SCRIB: variants seen among roughly 807,000 people sequenced by gnomAD.
The protein encoded by SCRIB is scribble planar cell polarity protein, also known as protein scribble homolog.
Under a neutral mutation model 170.0 loss-of-function variants are expected in SCRIB, and 72 were observed. The observed-to-expected ratio is 0.42, with a 90% CI of 0.35 to 0.52. The LOEUF (loss-of-function observed/expected upper bound fraction) is 0.52. Among genes scored for constraint, SCRIB ranks in the 20% least tolerant of loss-of-function variants. SCRIB has a pLI of 0.02. For missense variants in SCRIB, 2,475 were observed against 2,338.5 expected (o/e 1.06, Z -1.20); for synonymous variants, 1,298 against 1,044.3 (o/e 1.24, Z -4.68).
rs1351738159 is a variant in SCRIB at position 143,813,463 on chromosome 8, C to T, written c.503+7G>A. The T allele has an allele frequency of 1.2e-6, 2 of 1,613,260 alleles. No homozygotes were observed. The highest frequency in any genetic ancestry group is 2.2e-5 in the South Asian group (2 of 91,086). On this transcript the variant is annotated splice_region_variant and intron_variant, in intron 5 of 36. Coordinates refer to ENST00000356994, the MANE Select transcript of SCRIB (RefSeq NM_182706.5). ...CTGGCTGTTAGGAGAATGCCTGTCACACTCACGCTGGCAGGGACTTGAGCA... is the reference window on the plus strand; with the variant it reads ...CTGGCTGTTAGGAGAATGCCTGTCATACTCACGCTGGCAGGGACTTGAGCA...
chr8:143,811,499 A>C (rs549357161), intron 9 of SCRIB, among the ~76,000 whole-genome samples, 154 bp from the exon 10 acceptor site: 2 of 152,128 alleles, frequency 1.3e-5, no homozygotes, highest in East Asian at 3.9e-4. Context: ...TGACCACAGA[A>C]GCTGTCTCCA....
rs1336313273 is a variant in SCRIB at position 143,810,277 on chromosome 8, G to A, written c.1530+202C>T. Among the ~76,000 whole-genome samples the A allele has an allele frequency of 3.3e-5, 5 of 151,856 alleles. No individual in the cohort carries two copies. In the East Asian group the frequency reaches 7.7e-4, roughly 24 times the overall value. On this transcript the variant is annotated intron_variant, in intron 13 of 36. Coordinates refer to ENST00000356994, the MANE Select transcript of SCRIB (RefSeq NM_182706.5). ...CCCCATACTCCAGCCCCACAGACCCGCCCTGCACGACCCACACGTCCACCC... is the reference window on the plus strand; with the variant it reads ...CCCCATACTCCAGCCCCACAGACCCACCCTGCACGACCCACACGTCCACCC...
chr8:143,812,881 C>A lies in SCRIB; in HGVS notation c.723G>T (p.Gly241=), dbSNP rs1815809645. The A allele has an allele frequency of 6.2e-7, 1 of 1,609,266 alleles. No homozygotes were observed. The highest frequency in any genetic ancestry group is 2.2e-5 in the East Asian group (1 of 44,872). Residue 241 remains glycine, a synonymous_variant, in exon 8 of 37, where the codon GGG becomes GGT. Transcript: ENST00000356994. ...GCAGCAGGTCAGTGAGCAGCACCAGCCCGCCGAGCTCAGCAGGCAGCTCCT... is the reference window on the plus strand; with the variant it reads ...GCAGCAGGTCAGTGAGCAGCACCAGACCGCCGAGCTCAGCAGGCAGCTCCT... ...RLEELPAELG[G]LVLLTDLLLS...
At chr8:143,793,800 C>A (rs960854006) in intron 28 of SCRIB, 100 bp downstream of exon 28, 1 of 1,231,714 alleles carries the variant, frequency 8.1e-7, no homozygotes, top group South Asian at 1.3e-5. Context: ...CCACGATGGC[C>A]CCTGACCCCC....
At chr8:143,814,540 A>G (rs935731660) in intron 1 of SCRIB, among the ~76,000 whole-genome samples, 2 of 151,884 alleles carry the variant, frequency 1.3e-5, no homozygotes, top group Non-Finnish European at 2.9e-5. Context: ...CCACAATAAC[A>G]CAGTACCACA....
chr8:143,792,763 AG>A lies in SCRIB; in HGVS notation c.4121del (p.Pro1374LeufsTer133). The A allele has an allele frequency of 1.9e-6, 3 of 1,587,920 alleles. No homozygotes were observed. The highest frequency in any genetic ancestry group is 1.7e-5 in the Admixed American group (1 of 57,514). On this transcript the variant is annotated frameshift_variant, in exon 30 of 37. Transcript: ENST00000356994. LOFTEE classifies it high-confidence loss of function. The part of the protein sequence containing the change: ...EVRVPQAEGP[P>X]KRVSLVGADD... ...CAGCACCCACCAGGGACACGCGCTT[AG>A]GGGGGCCCTCGGCCTGGGGCACGCG...
rs780650651 is a variant in SCRIB, at chr8:143,811,350, C to G, written c.907-5G>C. ...TCCCAGGGAGCGGGGCAGGGCCTGGCCAAGAAGAGGAGGTCAGAGGACGCT... is the reference window on the plus strand; with the variant it reads ...TCCCAGGGAGCGGGGCAGGGCCTGGGCAAGAAGAGGAGGTCAGAGGACGCT... On this transcript the variant is annotated splice_polypyrimidine_tract_variant and splice_region_variant and intron_variant, in intron 9 of 36. Transcript: ENST00000356994. 1 of 1,610,264 alleles carries G rather than the reference C, an allele frequency of 6.2e-7. No homozygotes were observed. The highest frequency in any genetic ancestry group is 1.7e-5 in the Admixed American group (1 of 59,890).
At chr8:143,813,581 G>GCAGGGC in intron 4 of SCRIB, 55 bp from the exon 5 acceptor site, 1 of 1,612,078 alleles carries the variant, frequency 6.2e-7, no homozygotes, top group Non-Finnish European at 8.5e-7. Context: ...GGCAGCAGGG[G>GCAGGGC]CAGGGCCAAT....
intron 24 of SCRIB, 53 bp downstream of exon 24, chr8:143,803,330 A>C: frequency 8.2e-6 from 12 of 1,471,318 alleles, no homozygotes; most frequent in African/African-American, 1.4e-5. Context: ...GCGGCTCACA[A>C]CACCTTGGGC....
chr8:143,814,272 G>A (rs776131077), intron 1 of SCRIB, among the ~76,000 whole-genome samples, 154 bp from the exon 2 acceptor site: 1 of 151,990 alleles, frequency 6.6e-6, no homozygotes, highest in African/African-American at 2.4e-5. Flanking sequence ...CACCCCATTT[G>A]CAAAAAAAGG....
chr8:143,813,513 C>T lies in SCRIB; in HGVS notation c.460G>A (p.Val154Met). ...PGDVGNLANL[V>M]TLELRENLLK... Reference sequence around the variant, plus strand: ...AGGTTCTCCCGGAGCTCCAGGGTCACCAGGTTGGCGAGGCTGAAAGAGAGA... The same window carrying T: ...AGGTTCTCCCGGAGCTCCAGGGTCATCAGGTTGGCGAGGCTGAAAGAGAGA... Residue 154 changes from valine to methionine, a missense_variant, in exon 5 of 37, where the codon GTG becomes ATG. Physicochemically the swap from Val to Met is conservative, Grantham distance 21 (BLOSUM62 1). Around this residue, in one of 3 missense-constraint regions of SCRIB, gnomAD observed 487 missense variants for 558.1 expected, o/e 0.87. Transcript: ENST00000356994. The T allele has an allele frequency of 1.2e-6, 2 of 1,613,224 alleles. No homozygotes were observed. The highest frequency in any genetic ancestry group is 1.7e-6 in the Non-Finnish European group (2 of 1,179,990).
rs766358449 is a variant in SCRIB, at chr8:143,811,274, C to T, written c.978G>A (p.Ala326=). ...NLNVDRNHLE[A]LPPEIGGCVA... is the part of the protein sequence containing the mutation. ...CACAGCCCCCGATCTCGGGCGGCAG[C>T]GCCTCGAGGTGGTTCCGGTCCACGT... The change falls in exon 10 of 37, where the codon GCG becomes GCA. Residue 326 remains alanine (A), a synonymous_variant. Coordinates refer to ENST00000356994, the MANE Select transcript of SCRIB (RefSeq NM_182706.5). 2.2e-5 allele frequency: 36 copies of T among 1,612,236 alleles called. No homozygotes were observed. Among genetic ancestry groups the T allele is most frequent in the African/African-American group, 5.3e-5 (4 of 74,934 alleles).
At chr8:143,791,642 T>C in intron 35 of SCRIB, 24 bp downstream of exon 35, 2 of 1,592,220 alleles carry the variant, frequency 1.3e-6, no homozygotes, top group South Asian at 1.1e-5. Flanking sequence ...GTGGCAGGCA[T>C]GCAGAGGCCT....
chr8:143,793,861 A>T, intron 28 of SCRIB, 39 bp downstream of exon 28: 1 of 1,602,974 alleles, frequency 6.2e-7, no homozygotes, highest in Non-Finnish European at 8.5e-7. Flanking sequence ...CCTGCCCTCC[A>T]CCCACCATGG....
Position 143,805,334 on chromosome 8 carries a change from C to G in SCRIB, c.2448G>C (p.Met816Ile). 1 of 1,543,002 alleles carries G rather than the reference C, an allele frequency of 6.5e-7. No individual in the cohort carries two copies. The highest frequency in any genetic ancestry group is 8.7e-7 in the Non-Finnish European group (1 of 1,149,816). The part of the protein sequence containing the change: ...AVQMRVWRER[M>I]VEPENAVTIT... Reference sequence around the variant, plus strand: ...TGGTGACCGCGTTCTCAGGCTCCACCATGCGCTCCCGCCACACTCGCATCT... The same window carrying G: ...TGGTGACCGCGTTCTCAGGCTCCACGATGCGCTCCCGCCACACTCGCATCT... Residue 816 changes from methionine (M) to isoleucine (I), a missense_variant, in exon 19 of 37, where the codon ATG becomes ATC. Met to Ile is a conservative substitution (Grantham distance 10). Coordinates refer to ENST00000356994, the MANE Select transcript of SCRIB (RefSeq NM_182706.5).
Position 143,804,593 on chromosome 8 carries a change from G to T in SCRIB, c.2984C>A (p.Ala995Glu). ...CTCCACTGGGTATGGCCCTTCCAAC[G>T]CGGCAGCCAGCAGGCTGGGGGCCAG... ...PSLAPSLLAA[A>E]LEGPYPVEEI... The change falls in exon 21 of 37, where the codon GCG becomes GAG. Residue 995 changes from alanine to glutamate, a missense_variant. Physicochemically the swap from Ala to Glu is moderately radical, Grantham distance 107. Transcript: ENST00000356994. 6.6e-7 allele frequency: 1 copy of T among 1,513,666 alleles called. No homozygotes were observed. The highest frequency in any genetic ancestry group is 1.3e-5 in the South Asian group (1 of 77,604). The allele number at this position is 1,513,666 out of a possible 1,614,324, so 93.8% of individuals were successfully genotyped here. A position where few individuals can be genotyped will look rare whatever the true frequency, so the allele number is the denominator to read the frequency against.
chr8:143,815,211 C>G lies in SCRIB; in HGVS notation c.159+3G>C. ...TGGGCGGCAGGTGCGGGCGGCCGCT[C>G]ACCTTGGGCAGCTCGCGCAGCTGGT... On this transcript the variant is annotated splice_donor_region_variant and intron_variant, in intron 1 of 36. Transcript: ENST00000356994. 1.3e-6 allele frequency: 2 copies of G among 1,569,710 alleles called. No individual in the cohort carries two copies. Among genetic ancestry groups the G allele is most frequent in the South Asian group, 1.1e-5 (1 of 87,720 alleles).
chr8:143,795,491 T>C lies in SCRIB; in HGVS notation c.3643A>G (p.Ile1215Val), dbSNP rs376863619. ...GVIANPFAAG[I>V]GHRNSLESIS... is the part of the protein sequence containing the mutation. ...CTCTCCAGGCTGTTCCGGTGGCCGATGCCTGCCGCAAAGGGGTTGGCAATG... is the reference window on the plus strand; with the variant it reads ...CTCTCCAGGCTGTTCCGGTGGCCGACGCCTGCCGCAAAGGGGTTGGCAATG... The change falls in exon 25 of 37, where the codon ATC becomes GTC. Residue 1215 changes from isoleucine to valine, a missense_variant. By Grantham distance (29) the Ile-to-Val change is conservative. Around this residue, in one of 3 missense-constraint regions of SCRIB, gnomAD observed 1,966 missense variants for 1,742.9 expected, o/e 1.13. Transcript: ENST00000356994. The C allele has an allele frequency of 2.5e-6, 4 of 1,612,966 alleles. No individual in the cohort carries two copies. In the African/African-American group the frequency reaches 5.3e-5, roughly 22 times the overall value.
rs544249581 is a variant in SCRIB at position 143,803,047 on chromosome 8, T to C, written c.3603+336A>G. 3.9e-5 allele frequency among the ~76,000 whole-genome samples: 6 copies of C among 152,318 alleles called. No individual in the cohort carries two copies. The East Asian group carries it at 9.7e-4, about 25-fold the overall frequency. The stretch of plus-strand genomic sequence containing the variant: ...GGCTTGGAGTCATCCCTTAGCAGCC[T>C]GATGGGACTCTGCAGGAGTCACCAG... On this transcript the variant is annotated intron_variant, in intron 24 of 36. Transcript: ENST00000356994.
Sources: gnomAD v4.1 joint callset for allele counts (sites outside exome capture counted in the v4.1 genomes callset) on GRCh38, gnomAD v4.1.1 for gene constraint, gnomAD v4.1.1 regional missense constraint, MANE v1.5 for transcripts, NCBI Gene and HGNC (gene_info 2026-07-23, HGNC 2026-07-21) for gene names.